Variants in NUDT19 observed in about 807,000 individuals in gnomAD.
The protein encoded by NUDT19 is acyl-coenzyme A diphosphatase NUDT19.
Under a neutral mutation model 22.2 loss-of-function variants are expected in NUDT19, and 31 were observed. The observed-to-expected ratio is 1.40, with a 90% CI of 1.05 to 1.89. The LOEUF is 1.89. Ranked by LOEUF, NUDT19 falls within the 40% of genes most tolerant of loss-of-function variation. The pLI is 0.00. For missense variants in NUDT19, 752 were observed against 514.2 expected, an observed-to-expected ratio of 1.46 and a Z score of -4.47; for synonymous variants, 325 against 230.8, an observed-to-expected ratio of 1.41 and a Z score of -3.70.
At chr19:32,704,411 G>T (rs1003658379) in intron 1 of NUDT19, among the ~76,000 whole-genome samples, 4 of 151,924 alleles carry the variant, frequency 2.6e-5, no homozygotes, top group Non-Finnish European at 5.9e-5. Context: ...ACAGGCGCAT[G>T]CCACCATGCC....
rs1968460672 is a variant in NUDT19, at chr19:32,712,537, C to T, written c.*580C>T. On this transcript the variant is annotated 3_prime_UTR_variant, in exon 3 of 3. Transcript: ENST00000397061. ...CCTCCTGAGTAGCTGGGACTATAGG[C>T]ATGCACCACCATGCCCCACTAAATT... 6.6e-6 allele frequency: 1 copy of T among 152,014 alleles called. No individual in the cohort carries two copies. The highest frequency in any genetic ancestry group is 1.5e-5 in the Non-Finnish European group (1 of 68,146). The allele number at this position is 152,014 out of a possible 1,614,324, so 9.4% of individuals were successfully genotyped here. A position where few individuals can be genotyped will look rare whatever the true frequency, so the allele number is the denominator to read the frequency against.
rs1968470199 is a variant in NUDT19 at position 32,713,505 on chromosome 19, A to G, written c.*1548A>G. 6.6e-6 allele frequency: 1 copy of G among 152,162 alleles called. No individual in the cohort carries two copies. Among genetic ancestry groups the G allele is most frequent in the African/African-American group, 2.4e-5 (1 of 41,444 alleles). The allele number at this position is 152,162 out of a possible 1,614,324, so 9.4% of individuals were successfully genotyped here. A position where few individuals can be genotyped will look rare whatever the true frequency, so the allele number is the denominator to read the frequency against. On this transcript the variant is annotated 3_prime_UTR_variant, in exon 3 of 3. Coordinates refer to ENST00000397061, the MANE Select transcript of NUDT19 (RefSeq NM_001105570.2). ...ACACAAAGCCATAACAAAAACCATC[A>G]TTGTTTGTATTCCACACTGTTAATG...
rs145774863 is a variant in NUDT19 at position 32,693,454 on chromosome 19, G to C, written c.714+780G>C. 1.5e-4 allele frequency among the ~76,000 whole-genome samples: 23 copies of C among 152,344 alleles called. No individual in the cohort carries two copies. In the East Asian group the frequency reaches 4.4e-3, roughly 29 times the overall value. ...TATAAAGGTAGTGCGGACCCAAGGAGTGAGCAGCAGCAAGATTTATTGCAA... is the reference window on the plus strand; with the variant it reads ...TATAAAGGTAGTGCGGACCCAAGGACTGAGCAGCAGCAAGATTTATTGCAA... On this transcript the variant is annotated intron_variant, in intron 1 of 2. Transcript: ENST00000397061.
intron 1 of NUDT19, among the ~76,000 whole-genome samples, chr19:32,706,293 A>G (rs1413823452): frequency 6.6e-6 from 1 of 152,200 alleles, no homozygotes; most frequent in Non-Finnish European, 1.5e-5. Flanking sequence ...CCCTCAGTCA[A>G]CCAAGGTCTG....
At chr19:32,704,770 T>C (rs1010917436) in intron 1 of NUDT19, among the ~76,000 whole-genome samples, 1 of 152,106 alleles carries the variant, frequency 6.6e-6, no homozygotes, top group African/African-American at 2.4e-5. Context: ...ATATTGTGAC[T>C]TTATGTTGTT....
intron 1 of NUDT19, among the ~76,000 whole-genome samples, chr19:32,694,914 C>T (rs902742522): frequency 6.6e-6 from 1 of 152,122 alleles, no homozygotes; most frequent in Non-Finnish European, 1.5e-5. Context: ...TACTGAGTAC[C>T]CATTGTGTCT....
Position 32,692,643 on chromosome 19 carries a change from A to AC in NUDT19, c.687dup (p.Asp230ArgfsTer18). Reference sequence around the variant, plus strand: ...TGCCTGCGCGAGCCGCCGCCCGTCTACCCCGACTTGGCGGAGGTGGTGGGC... The same window carrying AC: ...TGCCTGCGCGAGCCGCCGCCCGTCTACCCCCGACTTGGCGGAGGTGGTGGGC... On this transcript the variant is annotated frameshift_variant, in exon 1 of 3. Coordinates refer to ENST00000397061, the MANE Select transcript of NUDT19 (RefSeq NM_001105570.2). LOFTEE classifies it high-confidence loss of function. 1 of 1,523,244 alleles carries AC rather than the reference A, an allele frequency of 6.6e-7. No individual in the cohort carries two copies. 94.4% of individuals were successfully genotyped at this position (1,523,244 alleles called of 1,614,324 possible). A position where few individuals can be genotyped will look rare whatever the true frequency, so the allele number is the denominator to read the frequency against.
At chr19:32,701,510 C>T (rs1296722465) in intron 1 of NUDT19, among the ~76,000 whole-genome samples, 3 of 152,062 alleles carry the variant, frequency 2.0e-5, no homozygotes, top group African/African-American at 7.2e-5. Context: ...TCTTGCAAGT[C>T]TTCTATATCA....
intron 1 of NUDT19, among the ~76,000 whole-genome samples, chr19:32,697,352 T>C (rs1380680268): frequency 6.6e-6 from 1 of 152,160 alleles, no homozygotes; most frequent in East Asian, 1.9e-4. Context: ...AATAAACTTG[T>C]CTTTTAGGAT....
At chr19:32,706,482 G>A (rs1350063094) in intron 1 of NUDT19, among the ~76,000 whole-genome samples, 2 of 152,118 alleles carry the variant, frequency 1.3e-5, no homozygotes, top group South Asian at 2.1e-4. Context: ...TCGGGAGTTC[G>A]AGACCAGCCT....
Position 32,692,618 on chromosome 19 carries a change from T to G in NUDT19, c.658T>G (p.Cys220Gly). ...RRFDTAFFLC[C>G]LREPPPVYPD... ...CTTTGACACGGCCTTCTTCCTGTGC[T>G]GCCTGCGCGAGCCGCCGCCCGTCTA... The change falls in exon 1 of 3, where the codon TGC (cysteine) becomes GGC (glycine). Residue 220 changes from cysteine to glycine, a missense_variant. Transcript: ENST00000397061. 1 of 1,543,344 alleles carries G rather than the reference T, an allele frequency of 6.5e-7. No individual in the cohort carries two copies. Among genetic ancestry groups the G allele is most frequent in the Non-Finnish European group, 8.7e-7 (1 of 1,150,138 alleles).
chr19:32,692,275 C>G lies in NUDT19; in HGVS notation c.315C>G (p.Pro105=), dbSNP rs554570224. The G allele has an allele frequency of 2.5e-5, 40 of 1,592,702 alleles. No homozygotes were observed. The Middle Eastern group carries it at 6.6e-4, about 26-fold the overall frequency. The change falls in exon 1 of 3, where the codon CCC becomes CCG. Residue 105 remains proline, a synonymous_variant. Transcript: ENST00000397061. ...GCCGCACCGCTTTCCCGTCGCTGCCCGACACCGATGACCACAAGACCGACA... is the reference window on the plus strand; with the variant it reads ...GCCGCACCGCTTTCCCGTCGCTGCCGGACACCGATGACCACAAGACCGACA... ...PFSRTAFPSL[P]DTDDHKTDNT...
intron 1 of NUDT19, among the ~76,000 whole-genome samples, chr19:32,707,749 C>T (rs910916376): frequency 4.0e-5 from 6 of 151,794 alleles, no homozygotes; most frequent in Admixed American, 6.6e-5. Flanking sequence ...GAGGCCGAGG[C>T]GGGTGGATCA....
intron 1 of NUDT19, among the ~76,000 whole-genome samples, chr19:32,694,677 A>G (rs1302207832): frequency 1.3e-5 from 2 of 152,186 alleles, no homozygotes; most frequent in Non-Finnish European, 2.9e-5. Context: ...GTTAACTTTT[A>G]GCAAACTTTA....
chr19:32,696,658 G>A (rs1198797576), intron 1 of NUDT19, among the ~76,000 whole-genome samples: 4 of 152,138 alleles, frequency 2.6e-5, no homozygotes, highest in Non-Finnish European at 4.4e-5. Context: ...AAGGGTGTGG[G>A]ACTTTCAGGC....
In NUDT19 at chr19:32,692,598, A is replaced by G. The variant is rs1362184347; in HGVS notation, c.638A>G (p.Asp213Gly). The part of the protein sequence containing the change: ...PFLRGTTRRF[D>G]TAFFLCCLRE... ...TTGCGGGGCACCACTCGCCGCTTTG[A>G]CACGGCCTTCTTCCTGTGCTGCCTG... is the stretch of plus-strand genomic sequence containing the variant. The change falls in exon 1 of 3, where the codon GAC (aspartate) becomes GGC (glycine). Residue 213 changes from aspartate (D) to glycine (G), a missense_variant. Coordinates refer to ENST00000397061, the MANE Select transcript of NUDT19 (RefSeq NM_001105570.2). 6.3e-7 allele frequency: 1 copy of G among 1,578,908 alleles called. No homozygotes were observed. Among genetic ancestry groups the G allele is most frequent in the Admixed American group, 1.8e-5 (1 of 54,440 alleles).
At chr19:32,699,111 G>T (rs1361361753) in intron 1 of NUDT19, among the ~76,000 whole-genome samples, 1 of 152,152 alleles carries the variant, frequency 6.6e-6, no homozygotes, top group African/African-American at 2.4e-5. Context: ...CCCTACGATG[G>T]GGCTTTGAGC....
chr19:32,692,355 C>A lies in NUDT19; in HGVS notation c.395C>A (p.Ala132Asp). Residue 132 changes from alanine to aspartate, a missense_variant, in exon 1 of 3, where the codon GCC becomes GAC. Transcript: ENST00000397061. ...VAFRICAVRE[A>D]FEEAGVLLLR... ...TTCCGCATCTGCGCCGTGCGGGAGG[C>A]CTTTGAGGAGGCGGGCGTGCTGCTG... 6.3e-7 allele frequency: 1 copy of A among 1,590,650 alleles called. No homozygotes were observed. Among genetic ancestry groups the A allele is most frequent in the South Asian group, 1.1e-5 (1 of 90,224 alleles).
In NUDT19 at chr19:32,709,329, G is replaced by T; in HGVS notation, c.859G>T (p.Gly287Ter). ...HKFCLGRALE[G>*]LERWLPIILL... ...ATTTTGTTTGGGTCGTGCATTAGAA[G>T]GACTGGAAAGGTGGCTGCCGATCAT... Residue 287 changes from glycine (G) to a stop codon, truncating the protein, a stop_gained, in exon 2 of 3, where the codon GGA (glycine) becomes TGA (stop). Transcript: ENST00000397061. LOFTEE classifies it high-confidence loss of function. 1 of 1,614,164 alleles carries T rather than the reference G, an allele frequency of 6.2e-7. No homozygotes were observed. Among genetic ancestry groups the T allele is most frequent in the Non-Finnish European group, 8.5e-7 (1 of 1,180,034 alleles).
Sources: allele counts gnomAD v4.1 joint callset (sites outside exome capture counted in the v4.1 genomes callset), GRCh38; gene constraint gnomAD v4.1.1; transcripts MANE v1.5; gene names NCBI Gene and HGNC (gene_info 2026-07-23, HGNC 2026-07-21).